Variants in AGBL1 observed in about 807,000 individuals in gnomAD.
AGBL1 encodes cytosolic carboxypeptidase 4.
Under a neutral mutation model 118.9 loss-of-function variants are expected in AGBL1, and 130 were observed. The observed-to-expected ratio is 1.09, with a 90% CI of 0.95 to 1.26. The LOEUF (loss-of-function observed/expected upper bound fraction) is 1.26, where lower values mean the gene tolerates loss of function less well. Among genes scored for constraint, AGBL1 ranks in the 50% most tolerant of loss-of-function variants. The pLI, the probability that AGBL1 is intolerant of heterozygous loss-of-function variation, is 0.00. For missense variants in AGBL1, 1,584 were observed against 1,298.1 expected, an observed-to-expected ratio of 1.22 and a Z score of -3.38; for synonymous variants, 555 against 478.9, an observed-to-expected ratio of 1.16 and a Z score of -2.08.
At position 86,224,237 on chromosome 15, in the gene AGBL1, G is replaced by A. The variant is rs181251410; in HGVS notation, c.489-677G>A. 2.6e-4 allele frequency among the ~76,000 whole-genome samples: 40 copies of A among 152,232 alleles called. No homozygotes were observed. In the East Asian group the frequency reaches 4.6e-3, roughly 18 times the overall value. Reference sequence around the variant, plus strand: ...TCCTTTGCCCTGTAGGTAGATTTTTGTGTGACCTTCTCAGAAGCAGGAAAC... The same window carrying A: ...TCCTTTGCCCTGTAGGTAGATTTTTATGTGACCTTCTCAGAAGCAGGAAAC... On this transcript the variant is annotated intron_variant, in intron 5 of 22. Transcript: ENST00000614907.
At chr15:86,650,253 G>C (rs1209515938) in intron 21 of AGBL1, among the ~76,000 whole-genome samples, 1 of 152,128 alleles carries the variant, frequency 6.6e-6, no homozygotes, top group East Asian at 1.9e-4. Context: ...AAGTTTGCCA[G>C]CTTCCTTATT....
chr15:86,469,880 T>G (rs1016031393), intron 18 of AGBL1, among the ~76,000 whole-genome samples: 2 of 152,202 alleles, frequency 1.3e-5, no homozygotes, highest in African/African-American at 2.4e-5. Flanking sequence ...TGTCTTCTTT[T>G]GAGAAATGTC....
At chr15:86,566,311 G>A (rs780614611) in intron 21 of AGBL1, among the ~76,000 whole-genome samples, 9 of 152,196 alleles carry the variant, frequency 5.9e-5, no homozygotes, top group Admixed American at 2.6e-4. Context: ...TAGGGAGAAA[G>A]TGCTCTGCTT....
chr15:86,455,214 C>G (rs1158593928), intron 18 of AGBL1, among the ~76,000 whole-genome samples: 1 of 152,118 alleles, frequency 6.6e-6, no homozygotes, highest in East Asian at 1.9e-4. Flanking sequence ...ATGTCTGGTT[C>G]TTAGCACAGT....
intron 21 of AGBL1, among the ~76,000 whole-genome samples, chr15:86,665,665 T>C (rs562392228): frequency 3.0e-4 from 45 of 152,148 alleles, no homozygotes; most frequent in South Asian, 6.2e-4. Flanking sequence ...AAATATACAT[T>C]GAAAAACCTT....
intron 18 of AGBL1, among the ~76,000 whole-genome samples, chr15:86,491,479 A>G (rs1260316942): frequency 6.6e-6 from 1 of 152,132 alleles, no homozygotes; most frequent in Non-Finnish European, 1.5e-5. Flanking sequence ...GATGTGGTAC[A>G]GCAATTACAG....
At chr15:86,732,528 G>C (rs146890394) in intron 22 of AGBL1, among the ~76,000 whole-genome samples, 1 of 152,112 alleles carries the variant, frequency 6.6e-6, no homozygotes, top group Non-Finnish European at 1.5e-5. Context: ...GTTCCTTGTA[G>C]TTAAGAACCA....
intron 16 of AGBL1, among the ~76,000 whole-genome samples, chr15:86,287,391 C>T (rs924270117): frequency 6.6e-6 from 1 of 152,096 alleles, no homozygotes; most frequent in Non-Finnish European, 1.5e-5. Context: ...CTTTGTTTGT[C>T]TGTGCTCTTG....
At chr15:86,346,594 C>G (rs748495114) in intron 17 of AGBL1, among the ~76,000 whole-genome samples, 6 of 152,110 alleles carry the variant, frequency 3.9e-5, no homozygotes, top group Non-Finnish European at 7.4e-5. Context: ...CATGATCCTA[C>G]CACCTCGGCC....
chr15:86,695,433 T>G (rs975117971), intron 22 of AGBL1, among the ~76,000 whole-genome samples: 4 of 152,004 alleles, frequency 2.6e-5, no homozygotes, highest in East Asian at 1.9e-4. Flanking sequence ...TGGTGTCAGT[T>G]GTAATATCTC....
At chr15:86,662,270 G>T (rs1180579856) in intron 21 of AGBL1, among the ~76,000 whole-genome samples, 4 of 152,226 alleles carry the variant, frequency 2.6e-5, no homozygotes, top group Admixed American at 6.5e-5. Context: ...AAAAGTGTCT[G>T]AAAAAATTCA....
At chr15:87,023,368 A>C (rs985645443) in intron 24 of AGBL1, among the ~76,000 whole-genome samples, 1 of 152,056 alleles carries the variant, frequency 6.6e-6, no homozygotes. Context: ...AAGCAGCAGT[A>C]GTTGAAAAAG....
At chr15:86,268,328 C>T (rs1597654993) in intron 13 of AGBL1, among the ~76,000 whole-genome samples, 2 of 152,248 alleles carry the variant, frequency 1.3e-5, no homozygotes, top group Admixed American at 1.3e-4. Context: ...TTTCTCAGCC[C>T]TCTTTGTGTT....
At chr15:86,256,746 G>T (rs1385527729) in intron 7 of AGBL1, 107 bp from the exon 8 acceptor site, 1 of 1,148,066 alleles carries the variant, frequency 8.7e-7, no homozygotes, top group African/African-American at 1.5e-5. Flanking sequence ...CTGAAACACA[G>T]CTAGGAGACT....
chr15:86,802,279 ATT>A (rs35370954), intron 22 of AGBL1, among the ~76,000 whole-genome samples: 1 of 149,038 alleles, frequency 6.7e-6, no homozygotes, highest in African/African-American at 2.5e-5. Context: ...TGAGGTTTTC[ATT>A]TTTTTTTTCA....
At chr15:86,826,678 A>G (rs2079016145) in intron 22 of AGBL1, among the ~76,000 whole-genome samples, 1 of 152,152 alleles carries the variant, frequency 6.6e-6, no homozygotes, top group African/African-American at 2.4e-5. Flanking sequence ...TGGGGTCTAC[A>G]CTGAGAGAGA....
At chr15:86,993,392 G>A (rs570240286) in intron 24 of AGBL1, among the ~76,000 whole-genome samples, 1 of 152,288 alleles carries the variant, frequency 6.6e-6, no homozygotes, top group East Asian at 1.9e-4. Context: ...TCTCCCACAT[G>A]GCTGATATGG....
At chr15:86,992,445 C>A (rs1193105410) in intron 24 of AGBL1, among the ~76,000 whole-genome samples, 3 of 152,188 alleles carry the variant, frequency 2.0e-5, no homozygotes, top group African/African-American at 7.2e-5. Flanking sequence ...CTTTTCATCT[C>A]TAGTAAGCCA....
chr15:86,586,886 G>A (rs982467216), intron 21 of AGBL1, among the ~76,000 whole-genome samples: 5 of 152,050 alleles, frequency 3.3e-5, no homozygotes, highest in African/African-American at 1.2e-4. Context: ...GTCATGTGAT[G>A]CCATGTTAGA....
Sources: gnomAD v4.1 joint callset for allele counts (sites outside exome capture counted in the v4.1 genomes callset) on GRCh38, gnomAD v4.1.1 for gene constraint, MANE v1.5 for transcripts, NCBI Gene and HGNC (gene_info 2026-07-23, HGNC 2026-07-21) for gene names.